The following MALRD1 variants were observed in gnomAD, a reference collection of about 807,000 sequenced individuals.
MALRD1 encodes MAM and LDL-receptor class A domain-containing protein 1.
MALRD1 carries 247 observed loss-of-function variants against 242.1 expected under a neutral mutation model. The ratio of observed to expected loss-of-function variants is 1.02; its 90% confidence interval spans 0.92 to 1.13. MALRD1 has a LOEUF of 1.13. Among genes scored for constraint, MALRD1 ranks in the 50% most tolerant of loss-of-function variants. MALRD1 has a pLI of 0.00. For synonymous variants in MALRD1, 995 were observed against 866.6 expected, an observed-to-expected ratio of 1.15 and a Z score of -2.60; for missense variants, 2,989 against 2,533.1, an observed-to-expected ratio of 1.18 and a Z score of -3.86.
rs2131628885 is a variant in MALRD1, at chr10:19,209,342, A to C, written c.2653A>C (p.Thr885Pro). ...AGATGCAAAAGATGACTTTGATTGGACCAGGAGCCAGGGTCCAACTCCAAC... is the reference window on the plus strand; with the variant it reads ...AGATGCAAAAGATGACTTTGATTGGCCCAGGAGCCAGGGTCCAACTCCAAC... ...EQDAKDDFDW[T>P]RSQGPTPTLN... Residue 885 changes from threonine (T) to proline (P), a missense_variant, in exon 18 of 40, where the codon ACC becomes CCC. By Grantham distance (38) the Thr-to-Pro change is conservative (BLOSUM62 -1). Coordinates refer to ENST00000454679, the MANE Select transcript of MALRD1 (RefSeq NM_001142308.3). 1 of 1,550,700 alleles carries C rather than the reference A, an allele frequency of 6.4e-7. No homozygotes were observed. Among genetic ancestry groups the C allele is most frequent in the Non-Finnish European group, 8.7e-7 (1 of 1,146,972 alleles).
intron 21 of MALRD1, among the ~76,000 whole-genome samples, chr10:19,305,108 A>G (rs555494632): frequency 2.0e-4 from 31 of 151,766 alleles, no homozygotes; most frequent in Non-Finnish European, 4.0e-4. Flanking sequence ...GAAACTTTCT[A>G]TTAGGTTGGT....
chr10:19,052,550 G>C (rs952116173), intron 1 of MALRD1, among the ~76,000 whole-genome samples: 1 of 152,066 alleles, frequency 6.6e-6, no homozygotes, highest in Non-Finnish European at 1.5e-5. Flanking sequence ...CTGATTACAC[G>C]GCCTGGGGTC....
Position 19,501,705 on chromosome 10 carries a change from G to C in MALRD1, c.5320+3059G>C, listed in dbSNP as rs181133300. Among the ~76,000 whole-genome samples, 213 of 152,196 alleles carry C rather than the reference G, an allele frequency of 1.4e-3. 1 individual carries two copies. The Middle Eastern group carries it at 0.024, about 17-fold the overall frequency. On this transcript the variant is annotated intron_variant, in intron 31 of 39. Transcript: ENST00000454679. ...ACATAGATTACCTGAATGGGTGACAGGGTTAAAGTAGAGGAGGAAATAAAC... is the reference window on the plus strand; with the variant it reads ...ACATAGATTACCTGAATGGGTGACACGGTTAAAGTAGAGGAGGAAATAAAC...
At chr10:19,141,326 A>G (rs542905873) in intron 10 of MALRD1, among the ~76,000 whole-genome samples, 1 of 152,288 alleles carries the variant, frequency 6.6e-6, no homozygotes, top group African/African-American at 2.4e-5. Flanking sequence ...AAGTACCTAA[A>G]GTAGGCAAAC....
At chr10:19,086,966 C>G (rs927149183) in intron 2 of MALRD1, among the ~76,000 whole-genome samples, 40 of 152,054 alleles carry the variant, frequency 2.6e-4, no homozygotes, top group Admixed American at 2.0e-3. Context: ...TGTTAGTGAA[C>G]TTAAAGAGAA....
At chr10:19,672,241 A>G (rs895692179) in intron 36 of MALRD1, among the ~76,000 whole-genome samples, 4 of 151,992 alleles carry the variant, frequency 2.6e-5, no homozygotes, top group Non-Finnish European at 2.9e-5. Flanking sequence ...ACAAAGATAC[A>G]TAAACAGTGG....
intron 4 of MALRD1, among the ~76,000 whole-genome samples, chr10:19,097,772 C>T (rs751733045): frequency 1.2e-4 from 19 of 152,164 alleles, no homozygotes; most frequent in African/African-American, 4.3e-4. Flanking sequence ...CCTGGTATCC[C>T]GATACATTGA....
intron 21 of MALRD1, among the ~76,000 whole-genome samples, chr10:19,300,669 G>T (rs1041148072): frequency 6.6e-6 from 1 of 151,980 alleles, no homozygotes; most frequent in Non-Finnish European, 1.5e-5. Context: ...ACAGAAGATT[G>T]AAACTGGACC....
intron 28 of MALRD1, among the ~76,000 whole-genome samples, chr10:19,434,662 A>G (rs1045847031): frequency 6.6e-6 from 1 of 151,922 alleles, no homozygotes; most frequent in Non-Finnish European, 1.5e-5. Context: ...AAAATATTTT[A>G]TTGTAACTAT....
intron 28 of MALRD1, among the ~76,000 whole-genome samples, chr10:19,437,748 C>T (rs1300203979): frequency 1.3e-5 from 2 of 152,218 alleles, no homozygotes; most frequent in East Asian, 3.9e-4. Context: ...GGCAGTCTAC[C>T]TTCAGAGCCT....
At chr10:19,593,856 A>T (rs1316784521) in intron 33 of MALRD1, among the ~76,000 whole-genome samples, 1 of 152,166 alleles carries the variant, frequency 6.6e-6, no homozygotes, top group Non-Finnish European at 1.5e-5. Flanking sequence ...TTGTAAAATG[A>T]GTTGGTTGGG....
intron 18 of MALRD1, among the ~76,000 whole-genome samples, chr10:19,224,148 A>G (rs1006248010): frequency 8.5e-5 from 13 of 152,240 alleles, no homozygotes; most frequent in African/African-American, 3.1e-4. Context: ...TGGTTGAACT[A>G]TTTACACTCC....
chr10:19,392,217 C>A (rs1216471373), intron 28 of MALRD1, among the ~76,000 whole-genome samples: 2 of 151,972 alleles, frequency 1.3e-5, no homozygotes, highest in Non-Finnish European at 2.9e-5. Flanking sequence ...ATAATGGGAG[C>A]CTTATTTTAC....
intron 21 of MALRD1, among the ~76,000 whole-genome samples, chr10:19,293,263 A>T (rs1380704716): frequency 6.7e-6 from 1 of 148,404 alleles, no homozygotes; most frequent in East Asian, 2.0e-4. Context: ...ATTTAAATCA[A>T]CTGTAGTTAT....
At chr10:19,373,038 T>G (rs1433170087) in intron 26 of MALRD1, among the ~76,000 whole-genome samples, 1 of 151,896 alleles carries the variant, frequency 6.6e-6, no homozygotes, top group East Asian at 1.9e-4. Flanking sequence ...ATGCTTATTC[T>G]CAAGTGAATT....
chr10:19,529,740 T>C lies in MALRD1; in HGVS notation c.5321-1454T>C, dbSNP rs138901033. ...TTGTCAGTAAGAAACCTACATTTAA[T>C]ATAAACACACAGATTAAAAATAAAG... On this transcript the variant is annotated intron_variant, in intron 31 of 39. Coordinates refer to ENST00000454679, the MANE Select transcript of MALRD1 (RefSeq NM_001142308.3). 3.1e-4 allele frequency among the ~76,000 whole-genome samples: 47 copies of C among 152,096 alleles called. 1 individual carries two copies. In the East Asian group the frequency reaches 7.3e-3, roughly 24 times the overall value.
chr10:19,170,046 G>A (rs1298763733), intron 13 of MALRD1, among the ~76,000 whole-genome samples: 3 of 152,088 alleles, frequency 2.0e-5, no homozygotes, highest in African/African-American at 7.2e-5. Flanking sequence ...AAATTGCTTT[G>A]GGTTTCATAG....
chr10:19,193,364 T>C (rs1210997871), intron 14 of MALRD1, among the ~76,000 whole-genome samples: 1 of 152,128 alleles, frequency 6.6e-6, no homozygotes, highest in Non-Finnish European at 1.5e-5. Context: ...CAGACCAGTC[T>C]GGGCAACATG....
chr10:19,550,777 T>A (rs1395452698), intron 32 of MALRD1, among the ~76,000 whole-genome samples: 2 of 152,218 alleles, frequency 1.3e-5, no homozygotes, highest in East Asian at 3.9e-4. Flanking sequence ...ATGTCTTTGC[T>A]ACCATTAATA....
Sources: allele counts gnomAD v4.1 joint callset (sites outside exome capture counted in the v4.1 genomes callset), GRCh38; gene constraint gnomAD v4.1.1; transcripts MANE v1.5; gene names NCBI Gene and HGNC (gene_info 2026-07-23, HGNC 2026-07-21).